GRAMD2B: variants seen among roughly 807,000 people sequenced by gnomAD.
GRAMD2B encodes GRAM domain containing 2B.
GRAMD2B carries 41 observed loss-of-function variants against 59.2 expected under a neutral mutation model. The observed-to-expected ratio is 0.69, with a 90% CI of 0.54 to 0.90. The LOEUF (loss-of-function observed/expected upper bound fraction) is 0.90. Ranked by LOEUF, GRAMD2B falls within the 40% of genes least tolerant of loss-of-function variation. The pLI, the probability that GRAMD2B is intolerant of heterozygous loss-of-function variation, is 0.00. For synonymous variants in GRAMD2B, 161 were observed against 182.7 expected (o/e 0.88, Z 0.96); for missense variants, 424 against 500.5 (o/e 0.85, Z 1.46).
intron 1 of GRAMD2B, among the ~76,000 whole-genome samples, chr5:126,390,020 T>C (rs1313374055): frequency 2.6e-5 from 4 of 152,230 alleles, no homozygotes; most frequent in Admixed American, 2.0e-4. Flanking sequence ...GGGTTTTACT[T>C]TTGAAGATGA....
Position 126,462,469 on chromosome 5 carries a change from T to C in GRAMD2B, c.84-2957T>C, listed in dbSNP as rs1039898906. Reference sequence around the variant, plus strand: ...TAAGGGACGCTTGCAGGAATAATCTTGCCTGTGTGAGGAATTAACTTGCTT... The same window carrying C: ...TAAGGGACGCTTGCAGGAATAATCTCGCCTGTGTGAGGAATTAACTTGCTT... On this transcript the variant is annotated intron_variant, in intron 1 of 13. Transcript: ENST00000285689. 8.1e-6 allele frequency: 8 copies of C among 984,808 alleles called. No individual in the cohort carries two copies. In the Admixed American group the frequency reaches 3.7e-4, roughly 45 times the overall value. The allele number at this position is 984,808 out of a possible 1,614,324, so 61.0% of individuals were successfully genotyped here.
intron 1 of GRAMD2B, among the ~76,000 whole-genome samples, chr5:126,460,392 T>G (rs1270508064): frequency 2.0e-5 from 3 of 152,176 alleles, no homozygotes; most frequent in Non-Finnish European, 4.4e-5. Context: ...TAAATGAAAT[T>G]TATAGTTGTC....
chr5:126,367,535 A>T (rs575377575), upstream of GRAMD2B, among the ~76,000 whole-genome samples: 103 of 152,214 alleles, frequency 6.8e-4, no homozygotes, highest in African/African-American at 2.4e-3. Context: ...CGCACCTCCC[A>T]TCCATCGAGC....
rs762233827 is a variant in GRAMD2B, at chr5:126,472,292, C to A, written c.370C>A (p.Pro124Thr). The A allele has an allele frequency of 4.5e-5, 73 of 1,613,534 alleles. No homozygotes were observed. Among genetic ancestry groups the A allele is most frequent in the Non-Finnish European group, 5.4e-5 (64 of 1,179,598 alleles). The part of the protein sequence containing the change: ...KLFLSVPTEE[P>T]LKQSFTCALQ... ...GTTTCTTAGTGTCCCAACGGAGGAA[C>A]CACTGAAGCAAAGTAAGTTCTGACC... The change falls in exon 4 of 14, where the codon CCA (proline) becomes ACA (threonine). Residue 124 changes from proline to threonine, a missense_variant. Transcript: ENST00000285689.
intron 1 of GRAMD2B, among the ~76,000 whole-genome samples, chr5:126,443,996 G>A (rs543002197): frequency 7.8e-4 from 118 of 151,872 alleles, no homozygotes; most frequent in Admixed American, 1.4e-3. Flanking sequence ...AGGTTGCAGT[G>A]AGCCAAGATC....
chr5:126,377,191 T>C (rs1489756064), intron 1 of GRAMD2B, among the ~76,000 whole-genome samples: 1 of 149,678 alleles, frequency 6.7e-6, no homozygotes, highest in Non-Finnish European at 1.5e-5. Context: ...CCTATGCCCT[T>C]TCAAGATGCA....
chr5:126,476,333 T>C (rs1770623970), intron 5 of GRAMD2B, among the ~76,000 whole-genome samples: 1 of 152,208 alleles, frequency 6.6e-6, no homozygotes, highest in Admixed American at 6.5e-5. Context: ...GCCCATCTCT[T>C]TGAGAATATG....
At position 126,404,924 on chromosome 5, in the gene GRAMD2B, A is replaced by G. The variant is rs2149745438; in HGVS notation, c.125+33357A>G. On this transcript the variant is annotated intron_variant, in intron 1 of 8. Transcript: ENST00000506445. The stretch of plus-strand genomic sequence containing the variant: ...CTACAGGTCACATCCCATTCTAAAG[A>G]CTCTCCATATTTTAATTATCACAAC... Among the ~76,000 whole-genome samples the G allele has an allele frequency of 1.3e-5, 2 of 151,862 alleles. 1 individual carries two copies. The highest frequency in any genetic ancestry group is 4.2e-4 in the South Asian group (2 of 4,804).
intron 1 of GRAMD2B, among the ~76,000 whole-genome samples, chr5:126,414,765 C>G (rs1011899924): frequency 6.6e-6 from 1 of 152,052 alleles, no homozygotes; most frequent in Non-Finnish European, 1.5e-5. Flanking sequence ...CACCATGCCC[C>G]GCCTGGTATG....
At chr5:126,454,063 G>C (rs1411570342) in intron 1 of GRAMD2B, among the ~76,000 whole-genome samples, 1 of 152,152 alleles carries the variant, frequency 6.6e-6, no homozygotes, top group African/African-American at 2.4e-5. Flanking sequence ...GTAGAGAGGA[G>C]GGAGCAGAGA....
At chr5:126,475,484 G>A (rs1215914061) in intron 5 of GRAMD2B, among the ~76,000 whole-genome samples, 1 of 152,120 alleles carries the variant, frequency 6.6e-6, no homozygotes, top group African/African-American at 2.4e-5. Flanking sequence ...ATCCCAACTT[G>A]TAAGTTCTGA....
At chr5:126,485,280 G>A (rs1411468320) in intron 10 of GRAMD2B, among the ~76,000 whole-genome samples, 1 of 152,108 alleles carries the variant, frequency 6.6e-6, no homozygotes, top group Non-Finnish European at 1.5e-5. Context: ...GAGCCCAGGA[G>A]GTCAAGGCTG....
intron 1 of GRAMD2B, among the ~76,000 whole-genome samples, chr5:126,397,524 T>G (rs965106494): frequency 1.3e-5 from 2 of 152,138 alleles, no homozygotes; most frequent in Non-Finnish European, 2.9e-5. Context: ...ACACCTGGCT[T>G]TGACGTTTAT....
intron 1 of GRAMD2B, among the ~76,000 whole-genome samples, chr5:126,427,597 G>A (rs1171475229): frequency 6.6e-6 from 1 of 152,170 alleles, no homozygotes; most frequent in Non-Finnish European, 1.5e-5. Flanking sequence ...TTAAAAGGAA[G>A]CGCTCTGGTA....
At chr5:126,478,627 G>A (rs1167956932) in intron 6 of GRAMD2B, among the ~76,000 whole-genome samples, 1 of 151,982 alleles carries the variant, frequency 6.6e-6, no homozygotes, top group East Asian at 1.9e-4. Flanking sequence ...TGTGGTCTCA[G>A]CTACTGGGGA....
At position 126,409,975 on chromosome 5, in the gene GRAMD2B, G is replaced by A. The variant is rs1253171402; in HGVS notation, c.125+38408G>A. Among the ~76,000 whole-genome samples, 275 of 43,874 alleles carry A rather than the reference G, an allele frequency of 6.3e-3. 1 individual carries two copies. The highest frequency in any genetic ancestry group is 0.012 in the Non-Finnish European group (239 of 19,306). 28.8% of individuals were successfully genotyped at this position (43,874 alleles called of 152,430 possible). ...TTTCCCCATTGCTTGTTTTTCTCAG[G>A]TTTGTCAAAGATCAGATAGTTGTAG... is the stretch of plus-strand genomic sequence containing the variant. On this transcript the variant is annotated intron_variant, in intron 1 of 8. Transcript: ENST00000506445.
intron 1 of GRAMD2B, among the ~76,000 whole-genome samples, chr5:126,453,003 A>G (rs1378661621): frequency 6.6e-6 from 1 of 152,188 alleles, no homozygotes; most frequent in African/African-American, 2.4e-5. Context: ...AATCAAATAG[A>G]TATCCTCTAA....
chr5:126,392,167 A>T (rs1163841970), intron 1 of GRAMD2B, among the ~76,000 whole-genome samples: 1 of 152,146 alleles, frequency 6.6e-6, no homozygotes, highest in Non-Finnish European at 1.5e-5. Context: ...TACAAAAGGG[A>T]TGTATCAGGA....
At chr5:126,394,032 C>A (rs568154766) in intron 1 of GRAMD2B, among the ~76,000 whole-genome samples, 2 of 151,934 alleles carry the variant, frequency 1.3e-5, no homozygotes, top group Non-Finnish European at 2.9e-5. Flanking sequence ...CCCAGCACTT[C>A]GGGAGGCCAA....
Sources: allele counts gnomAD v4.1 joint callset (sites outside exome capture counted in the v4.1 genomes callset), GRCh38; gene constraint gnomAD v4.1.1; transcripts MANE v1.5; gene names NCBI Gene and HGNC (gene_info 2026-07-23, HGNC 2026-07-21).